SUZ12: variants seen among roughly 807,000 people sequenced by gnomAD.
The protein encoded by SUZ12 is polycomb protein SUZ12.
In SUZ12, 17 loss-of-function variants were observed where a neutral mutation model predicts 87.3. The observed-to-expected ratio is 0.19, with a 90% CI of 0.13 to 0.29. The LOEUF (loss-of-function observed/expected upper bound fraction) is 0.29, where lower values mean the gene tolerates loss of function less well. Among genes scored for constraint, SUZ12 ranks in the 10% least tolerant of loss-of-function variants. The pLI is 1.00. For missense variants in SUZ12, 526 were observed against 912.2 expected, an observed-to-expected ratio of 0.58 and a Z score of 5.45; for synonymous variants, 253 against 312.4, an observed-to-expected ratio of 0.81 and a Z score of 2.01.
chr17:31,975,759 T>C (rs754265346), intron 7 of SUZ12, 46 bp downstream of exon 7: 1 of 1,439,136 alleles, frequency 6.9e-7, no homozygotes, highest in Admixed American at 2.0e-5. Flanking sequence ...ACTAAGATGG[T>C]CATTGAAAAT....
intron 8 of SUZ12, among the ~76,000 whole-genome samples, chr17:31,979,965 T>C (rs1159065082): frequency 6.6e-6 from 1 of 151,750 alleles, no homozygotes; most frequent in Non-Finnish European, 1.5e-5. Flanking sequence ...CGTTCTCTGC[T>C]CCCACTGCTT....
chr17:31,963,379 G>A (rs370504783), intron 4 of SUZ12, among the ~76,000 whole-genome samples: 10 of 152,048 alleles, frequency 6.6e-5, no homozygotes, highest in East Asian at 3.9e-4. Flanking sequence ...TCCTGACCTC[G>A]TGATCCACCC....
chr17:31,957,341 G>A (rs1298802063), intron 4 of SUZ12, among the ~76,000 whole-genome samples: 4 of 151,490 alleles, frequency 2.6e-5, no homozygotes, highest in Non-Finnish European at 4.4e-5. Flanking sequence ...CTGAGTTCAT[G>A]TAATTCTCCT....
chr17:31,964,430 T>G (rs374254389), intron 4 of SUZ12, among the ~76,000 whole-genome samples: 7,253 of 141,148 alleles, frequency 0.051, no homozygotes, highest in African/African-American at 0.18. Context: ...TTTTTGAGAC[T>G]GAGTCTCCCC....
At chr17:31,987,985 G>C (rs1442393347) in intron 9 of SUZ12, among the ~76,000 whole-genome samples, 1 of 151,918 alleles carries the variant, frequency 6.6e-6, no homozygotes, top group Non-Finnish European at 1.5e-5. Context: ...AACCTAAATG[G>C]GAAATTTTCC....
At position 31,984,927 on chromosome 17, in the gene SUZ12, G is replaced by A. The variant is rs185683797; in HGVS notation, c.1023+1823G>A. Among the ~76,000 whole-genome samples the A allele has an allele frequency of 4.2e-4, 64 of 152,254 alleles. No homozygotes were observed. In the East Asian group the frequency reaches 6.0e-3, roughly 14 times the overall value. The stretch of plus-strand genomic sequence containing the variant: ...TCCCAGCACTTTGGGAAGCCAAGGC[G>A]GGTGGATCACCTGAGGTTATGAATT... On this transcript the variant is annotated intron_variant, in intron 9 of 15. Coordinates refer to ENST00000322652, the MANE Select transcript of SUZ12 (RefSeq NM_015355.4).
chr17:31,985,527 G>C (rs1163606352), intron 9 of SUZ12, among the ~76,000 whole-genome samples: 1 of 151,408 alleles, frequency 6.6e-6, no homozygotes, highest in African/African-American at 2.4e-5. Context: ...TACTGTTTGG[G>C]TTTTCTGCAT....
At chr17:31,974,303 G>A (rs1908611246) in intron 6 of SUZ12, among the ~76,000 whole-genome samples, 1 of 152,216 alleles carries the variant, frequency 6.6e-6, no homozygotes, top group Admixed American at 6.5e-5. Flanking sequence ...GAGAGGCCAA[G>A]GTGGGCAGAT....
chr17:31,976,013 A>T (rs1301849943), intron 7 of SUZ12, among the ~76,000 whole-genome samples: 1 of 152,234 alleles, frequency 6.6e-6, no homozygotes, highest in Non-Finnish European at 1.5e-5. Flanking sequence ...TTCATCTTTG[A>T]GGTATTCATT....
At chr17:31,964,094 T>G (rs1907935494) in intron 4 of SUZ12, among the ~76,000 whole-genome samples, 1 of 151,842 alleles carries the variant, frequency 6.6e-6, no homozygotes, top group South Asian at 2.1e-4. Flanking sequence ...TGGTGCAATC[T>G]CGGCTGACTG....
chr17:31,976,775 A>G (rs559816964), intron 8 of SUZ12, among the ~76,000 whole-genome samples, 161 bp downstream of exon 8: 19 of 152,340 alleles, frequency 1.2e-4, no homozygotes, highest in African/African-American at 2.6e-4. Context: ...TGTCTGTTTT[A>G]TAGAAAACAA....
rs183418636 is a variant in SUZ12 at position 31,957,813 on chromosome 17, T to C, written c.456-8334T>C. Among the ~76,000 whole-genome samples the C allele has an allele frequency of 8.5e-3, 1,279 of 150,196 alleles. 17 individuals carry two copies. Among genetic ancestry groups the C allele is most frequent in the African/African-American group, 0.03 (1,225 of 40,864 alleles). ...CACCAGCCTCAGCCTCCCAAAGTGC[T>C]GGATTACAGGTGTGAGCCACTGCAC... On this transcript the variant is annotated intron_variant, in intron 4 of 15. Coordinates refer to ENST00000322652, the MANE Select transcript of SUZ12 (RefSeq NM_015355.4).
At chr17:31,951,505 C>G (rs1330060767) in intron 4 of SUZ12, among the ~76,000 whole-genome samples, 1 of 140,360 alleles carries the variant, frequency 7.1e-6, no homozygotes, top group African/African-American at 2.7e-5. Context: ...TTTTTTGAGA[C>G]GGAGTCTCGC....
chr17:31,982,727 G>C (rs1184810254), intron 8 of SUZ12, among the ~76,000 whole-genome samples: 1 of 152,120 alleles, frequency 6.6e-6, no homozygotes. Context: ...AACGTACCAG[G>C]TTTTGAGACC....
intron 14 of SUZ12, among the ~76,000 whole-genome samples, chr17:31,996,054 C>G (rs1449954618): frequency 6.6e-6 from 1 of 151,936 alleles, no homozygotes; most frequent in African/African-American, 2.4e-5. Flanking sequence ...ACTAAAAATA[C>G]AAAAAATTAG....
At chr17:31,991,613 A>AC (rs912745714) in intron 10 of SUZ12, among the ~76,000 whole-genome samples, 1 of 151,710 alleles carries the variant, frequency 6.6e-6, no homozygotes, top group Non-Finnish European at 1.5e-5. Context: ...TGAAATAATT[A>AC]TTTTTTTTGG....
intron 4 of SUZ12, among the ~76,000 whole-genome samples, chr17:31,956,883 C>G (rs1010193152): frequency 1.3e-5 from 2 of 151,992 alleles, no homozygotes; most frequent in African/African-American, 4.8e-5. Context: ...TCAGGGGATT[C>G]TCATGCCTCA....
In SUZ12 at chr17:31,937,117, C is replaced by G; in HGVS notation, c.-130C>G. 1 of 767,184 alleles carries G rather than the reference C, an allele frequency of 1.3e-6. No homozygotes were observed. The highest frequency in any genetic ancestry group is 3.4e-5 in the East Asian group (1 of 29,574). 47.5% of individuals were successfully genotyped at this position (767,184 alleles called of 1,614,324 possible). On this transcript the variant is annotated 5_prime_UTR_variant, in exon 1 of 16. Coordinates refer to ENST00000322652, the MANE Select transcript of SUZ12 (RefSeq NM_015355.4). ...CTCTCCTCCTCCCTTCCCTTCCCCT[C>G]TCCTCCCCTCTCTCCTCCTTCCCCC...
intron 3 of SUZ12, among the ~76,000 whole-genome samples, chr17:31,941,922 G>A (rs1183254900): frequency 6.6e-6 from 1 of 151,672 alleles, no homozygotes; most frequent in Non-Finnish European, 1.5e-5. Flanking sequence ...GTGCGATATC[G>A]GCTCACTGCA....
Sources: allele counts gnomAD v4.1 joint callset (sites outside exome capture counted in the v4.1 genomes callset), GRCh38; gene constraint gnomAD v4.1.1; transcripts MANE v1.5; gene names NCBI Gene and HGNC (gene_info 2026-07-23, HGNC 2026-07-21).